Variants in CMC2 observed in about 807,000 individuals in gnomAD.
CMC2 encodes COX assembly mitochondrial protein 2 homolog.
CMC2 carries 5 observed loss-of-function variants against 7.5 expected under a neutral mutation model. The ratio of observed to expected loss-of-function variants is 0.66; its 90% CI spans 0.35 to 1.40. CMC2 has a LOEUF of 1.40. Ranked by LOEUF, CMC2 falls within the 40% of genes most tolerant of loss-of-function variation. CMC2 has a pLI of 0.04. For missense variants in CMC2, 115 were observed against 92.3 expected, an observed-to-expected ratio of 1.25 and a Z score of -1.01; for synonymous variants, 37 against 31.4, an observed-to-expected ratio of 1.18 and a Z score of -0.60.
intron 3 of CMC2, among the ~76,000 whole-genome samples, chr16:80,979,942 G>C (rs1014462920): frequency 1.3e-5 from 2 of 151,950 alleles, no homozygotes; most frequent in African/African-American, 4.8e-5. Context: ...TTTAGAGATA[G>C]GGTCTCACTC....
chr16:80,994,966 T>C (rs903641443), intron 2 of CMC2, among the ~76,000 whole-genome samples: 2 of 151,924 alleles, frequency 1.3e-5, no homozygotes, highest in African/African-American at 4.8e-5. Context: ...ACCAACATAA[T>C]GAAACCCCGT....
chr16:80,970,114 G>C lies in CMC2; in HGVS notation c.*5979C>G, dbSNP rs542788524. Reference sequence around the variant, plus strand: ...AATAACTTACCTGACCATTGGGAGGGATGAAGAAACTTCAGAGCCACATTG... The same window carrying C: ...AATAACTTACCTGACCATTGGGAGGCATGAAGAAACTTCAGAGCCACATTG... On this transcript the variant is annotated 3_prime_UTR_variant, in exon 4 of 4. Transcript: ENST00000219400. 5 of 152,220 alleles carry C rather than the reference G, an allele frequency of 3.3e-5. No homozygotes were observed. In the East Asian group the frequency reaches 9.6e-4, roughly 29 times the overall value. The allele number at this position is 152,220 out of a possible 1,614,324, so 9.4% of individuals were successfully genotyped here.
rs1912147873 is a variant in CMC2, at chr16:80,974,607, T to C, written c.*1486A>G. The stretch of plus-strand genomic sequence containing the variant: ...AGGTCATCTTTGCTAAATAGCTTTC[T>C]TGGAATAGCTCCTTCTTCATGAAGA... On this transcript the variant is annotated 3_prime_UTR_variant, in exon 4 of 4. Transcript: ENST00000219400. 1 of 152,242 alleles carries C rather than the reference T, an allele frequency of 6.6e-6. No individual in the cohort carries two copies. The highest frequency in any genetic ancestry group is 2.4e-5 in the African/African-American group (1 of 41,460). The allele number at this position is 152,242 out of a possible 1,614,324, so 9.4% of individuals were successfully genotyped here.
chr16:81,002,669 A>G (rs1968955699), intron 1 of CMC2, among the ~76,000 whole-genome samples: 1 of 152,254 alleles, frequency 6.6e-6, no homozygotes, highest in African/African-American at 2.4e-5. Context: ...GCCTAAGTAC[A>G]TAAAATGGTA....
chr16:80,997,061 G>A, intron 2 of CMC2: 1 of 543,980 alleles, frequency 1.8e-6, no homozygotes, highest in South Asian at 1.8e-5. Flanking sequence ...GTAAGAACAT[G>A]GATTCCAACT....
At chr16:80,980,197 G>C (rs1967017512) in intron 3 of CMC2, among the ~76,000 whole-genome samples, 2 of 152,228 alleles carry the variant, frequency 1.3e-5, no homozygotes, top group South Asian at 2.1e-4. Context: ...TGGGATTACA[G>C]ATGCCAGCTC....
rs937156523 is a variant in CMC2, at chr16:81,004,696, G to A, written c.-36+2038C>T. ...GGGAGTAAGCTGGGAGGGTAGAAGCGGTAGGGTACTCTTAGTGAAGATATA... is the reference window on the plus strand; with the variant it reads ...GGGAGTAAGCTGGGAGGGTAGAAGCAGTAGGGTACTCTTAGTGAAGATATA... On this transcript the variant is annotated intron_variant, in intron 1 of 3. Transcript: ENST00000219400. 2.0e-5 allele frequency among the ~76,000 whole-genome samples: 3 copies of A among 152,182 alleles called. No homozygotes were observed. In the East Asian group the frequency reaches 5.8e-4, roughly 29 times the overall value.
rs529153951 is a variant in CMC2, at chr16:80,967,363, C to T, written c.*8730G>A. The T allele has an allele frequency of 1.3e-5, 2 of 153,786 alleles. No individual in the cohort carries two copies. Among genetic ancestry groups the T allele is most frequent in the African/African-American group, 2.4e-5 (1 of 41,600 alleles). 9.5% of individuals were successfully genotyped at this position (153,786 alleles called of 1,614,324 possible). A position where few individuals can be genotyped will look rare whatever the true frequency, so the allele number is the denominator to read the frequency against. On this transcript the variant is annotated 3_prime_UTR_variant, in exon 4 of 4. Coordinates refer to ENST00000219400, the MANE Select transcript of CMC2 (RefSeq NM_020188.5). ...TTTTGTTTTGTTTTGTTTTTTGAGA[C>T]GGAGCTCGCCGTGTCGCCCAGGCTG...
At chr16:81,003,242 A>G (rs961297757) in intron 1 of CMC2, among the ~76,000 whole-genome samples, 1 of 152,268 alleles carries the variant, frequency 6.6e-6, no homozygotes, top group Non-Finnish European at 1.5e-5. Context: ...AGACTATTCT[A>G]GTAACACAAT....
intron 2 of CMC2, among the ~76,000 whole-genome samples, chr16:80,985,191 A>G (rs1967427407): frequency 6.6e-6 from 1 of 152,210 alleles, no homozygotes; most frequent in African/African-American, 2.4e-5. Flanking sequence ...CAGTCCAGAG[A>G]CACCGAGGGG....
At chr16:80,997,222 C>T (rs936372652) in intron 2 of CMC2, 92 bp downstream of exon 2, 18 of 784,876 alleles carry the variant, frequency 2.3e-5, no homozygotes, top group Non-Finnish European at 3.2e-5. Flanking sequence ...AAGACATTAT[C>T]GTTTCCTTCT....
At position 80,968,586 on chromosome 16, in the gene CMC2, T is replaced by C. The variant is rs1911710592; in HGVS notation, c.*7507A>G. The stretch of plus-strand genomic sequence containing the variant: ...TAACTGTTGAAAATATAATCATTCC[T>C]AGGGGGCAGTCTTTCCAAGGTAAAA... On this transcript the variant is annotated 3_prime_UTR_variant, in exon 4 of 4. Transcript: ENST00000219400. 1 of 152,182 alleles carries C rather than the reference T, an allele frequency of 6.6e-6. No homozygotes were observed. The allele number at this position is 152,182 out of a possible 1,614,324, so 9.4% of individuals were successfully genotyped here.
At chr16:80,989,517 G>A (rs991776205) in intron 2 of CMC2, among the ~76,000 whole-genome samples, 3 of 152,162 alleles carry the variant, frequency 2.0e-5, no homozygotes, top group Non-Finnish European at 2.9e-5. Flanking sequence ...TCTGGTACAA[G>A]ATGTTGCAGG....
intron 1 of CMC2, among the ~76,000 whole-genome samples, chr16:81,003,486 T>C (rs550340812): frequency 2.6e-5 from 4 of 152,264 alleles, no homozygotes; most frequent in African/African-American, 4.8e-5. Context: ...TAGGTCAAAA[T>C]ATGCACTGCC....
intron 2 of CMC2, chr16:80,983,537 G>A (rs1029404851): frequency 6.6e-6 from 1 of 152,202 alleles, no homozygotes; most frequent in Non-Finnish European, 1.5e-5. Flanking sequence ...CTATTACAGG[G>A]AGTGGTGTCA....
intron 1 of CMC2, chr16:80,999,060 C>T (rs1280256864): frequency 1.3e-5 from 2 of 152,184 alleles, no homozygotes; most frequent in African/African-American, 4.8e-5. Flanking sequence ...GCTCTCACCA[C>T]TCCTATTCAA....
chr16:81,003,411 T>C (rs1392879830), intron 1 of CMC2, among the ~76,000 whole-genome samples: 3 of 152,240 alleles, frequency 2.0e-5, no homozygotes, highest in East Asian at 1.9e-4. Flanking sequence ...AGTCTTACAA[T>C]GCAATAACCT....
chr16:80,981,522 G>A (rs761202833), intron 3 of CMC2, among the ~76,000 whole-genome samples: 2 of 152,192 alleles, frequency 1.3e-5, no homozygotes, highest in African/African-American at 2.4e-5. Flanking sequence ...CTGCCGGCCA[G>A]AGATACAACT....
At chr16:80,994,023 A>G (rs924768652) in intron 2 of CMC2, among the ~76,000 whole-genome samples, 13 of 152,200 alleles carry the variant, frequency 8.5e-5, no homozygotes, top group Non-Finnish European at 1.6e-4. Context: ...AACAGACTAG[A>G]GAGCCCAGAA....
Sources: allele counts gnomAD v4.1 joint callset (sites outside exome capture counted in the v4.1 genomes callset), GRCh38; gene constraint gnomAD v4.1.1; transcripts MANE v1.5; gene names NCBI Gene and HGNC (gene_info 2026-07-23, HGNC 2026-07-21).